Variants in FAM117A observed in about 807,000 individuals in gnomAD.
The protein encoded by FAM117A is protein FAM117A.
FAM117A carries 21 observed loss-of-function variants against 44.1 expected under a neutral mutation model. The observed-to-expected ratio is 0.48, with a 90% confidence interval of 0.34 to 0.69. FAM117A has a LOEUF of 0.69. Ranked by LOEUF, FAM117A falls within the 30% of genes least tolerant of loss-of-function variation. The pLI is 0.01. For missense variants in FAM117A, 498 were observed against 589.9 expected (o/e 0.84, Z 1.61); for synonymous variants, 220 against 238.3 (o/e 0.92, Z 0.71).
chr17:49,711,396 A>C lies in FAM117A; in HGVS notation c.1221T>G (p.Ser407=). The C allele has an allele frequency of 6.2e-7, 1 of 1,612,614 alleles. No individual in the cohort carries two copies. The part of the protein sequence containing the change: ...IFRNCPSNPG[S]PLPPASPRPP... Reference sequence around the variant, plus strand: ...GCCTGGGGCTGGCCGGGGGAAGGGGAGATCCCGGGTTTGAGGGGCAGTTAC... The same window carrying C: ...GCCTGGGGCTGGCCGGGGGAAGGGGCGATCCCGGGTTTGAGGGGCAGTTAC... The change falls in exon 8 of 8, where the codon TCT becomes TCG. Residue 407 remains serine, a synonymous_variant. Coordinates refer to ENST00000240364, the MANE Select transcript of FAM117A (RefSeq NM_030802.4).
chr17:49,742,340 G>T lies in FAM117A; in HGVS notation c.197-9620C>A, dbSNP rs567925694. Among the ~76,000 whole-genome samples, 103 of 152,092 alleles carry T rather than the reference G, an allele frequency of 6.8e-4. 3 individuals are homozygous for T. The South Asian group carries it at 0.015, about 22-fold the overall frequency. ...GAAACCCTTCTGGAGATGTCATTGT[G>T]GGAAAAAAAATAAGGAATACATTGG... On this transcript the variant is annotated intron_variant, in intron 1 of 7. Transcript: ENST00000240364.
At chr17:49,731,526 G>T (rs541776251) in intron 2 of FAM117A, among the ~76,000 whole-genome samples, 1 of 152,202 alleles carries the variant, frequency 6.6e-6, no homozygotes, top group Non-Finnish European at 1.5e-5. Context: ...TTCCGAGCTT[G>T]GGATTCTTAA....
intron 1 of FAM117A, among the ~76,000 whole-genome samples, chr17:49,753,064 T>C (rs896973185): frequency 2.0e-5 from 3 of 152,280 alleles, no homozygotes; most frequent in African/African-American, 4.8e-5. Flanking sequence ...GGTTTCACCA[T>C]GTTGGCCAGG....
At chr17:49,765,512 C>T (rs1214822000), upstream of FAM117A, 2 of 152,128 alleles carry the variant, frequency 1.3e-5, no homozygotes, top group Admixed American at 6.5e-5. Flanking sequence ...AGTGGAAATT[C>T]AAGAGTGGGT....
chr17:49,763,874 G>C lies in FAM117A; in HGVS notation c.196+18C>G, dbSNP rs2073733661. The C allele has an allele frequency of 5.7e-6, 5 of 881,156 alleles. No homozygotes were observed. The highest frequency in any genetic ancestry group is 6.5e-6 in the Non-Finnish European group (5 of 764,928). 54.6% of individuals were successfully genotyped at this position (881,156 alleles called of 1,614,324 possible). The stretch of plus-strand genomic sequence containing the variant: ...CCCAATGGCTCCTTCCACGGCACCC[G>C]CTCCAGGCCCGGCTCACCTGCACGG... On this transcript the variant is annotated intron_variant, in intron 1 of 7. Coordinates refer to ENST00000240364, the MANE Select transcript of FAM117A (RefSeq NM_030802.4).
At chr17:49,761,031 G>A (rs1307037094) in intron 1 of FAM117A, among the ~76,000 whole-genome samples, 1 of 152,146 alleles carries the variant, frequency 6.6e-6, no homozygotes, top group East Asian at 1.9e-4. Context: ...GTTGCAGAAG[G>A]CAAATCCTGC....
At chr17:49,743,597 C>T (rs893099295) in intron 1 of FAM117A, among the ~76,000 whole-genome samples, 8 of 151,966 alleles carry the variant, frequency 5.3e-5, no homozygotes, top group East Asian at 1.9e-4. Flanking sequence ...GGCATGGTGG[C>T]GGGTGCCTGT....
At chr17:49,749,571 G>A (rs1287468215) in intron 1 of FAM117A, among the ~76,000 whole-genome samples, 3 of 102,378 alleles carry the variant, frequency 2.9e-5, no homozygotes, top group Non-Finnish European at 5.8e-5. Context: ...GCAAGACTCC[G>A]TCTCAAAAAA....
At chr17:49,730,309 C>T (rs1282265112) in intron 2 of FAM117A, among the ~76,000 whole-genome samples, 1 of 152,228 alleles carries the variant, frequency 6.6e-6, no homozygotes, top group Non-Finnish European at 1.5e-5. Context: ...CATCGCTGAC[C>T]TCTGTCTTGC....
At chr17:49,741,162 C>A (rs776484207) in intron 1 of FAM117A, among the ~76,000 whole-genome samples, 2 of 152,184 alleles carry the variant, frequency 1.3e-5, no homozygotes, top group Non-Finnish European at 2.9e-5. Flanking sequence ...CGAGATCTTA[C>A]ACATGGCAAA....
intron 1 of FAM117A, among the ~76,000 whole-genome samples, chr17:49,770,269 C>CAAAAAAAA (rs57966452): frequency 1.4e-5 from 1 of 69,820 alleles, no homozygotes. Context: ...GACTCTGTAT[C>CAAAAAAAA]AAAAAAAAAA....
chr17:49,736,592 C>T (rs2073611894), intron 1 of FAM117A, among the ~76,000 whole-genome samples: 1 of 152,206 alleles, frequency 6.6e-6, no homozygotes, highest in Non-Finnish European at 1.5e-5. Flanking sequence ...TGTTCTGGTC[C>T]CACTTACCTG....
intron 1 of FAM117A, among the ~76,000 whole-genome samples, chr17:49,786,569 G>A (rs2073806482): frequency 1.3e-5 from 2 of 152,098 alleles, no homozygotes; most frequent in Admixed American, 6.5e-5. Context: ...CTGAGGTCAG[G>A]AGTTCAAGAC....
intron 1 of FAM117A, among the ~76,000 whole-genome samples, chr17:49,777,942 C>G (rs1026844426): frequency 6.6e-6 from 1 of 152,184 alleles, no homozygotes; most frequent in Non-Finnish European, 1.5e-5. Flanking sequence ...CATGGAGGCA[C>G]TGGGATAGGG....
chr17:49,742,604 C>A (rs2073639095), intron 1 of FAM117A, among the ~76,000 whole-genome samples: 1 of 152,118 alleles, frequency 6.6e-6, no homozygotes, highest in Non-Finnish European at 1.5e-5. Flanking sequence ...CCTTTGGGAT[C>A]TACATGGCCT....
At chr17:49,747,890 A>C (rs1363528681) in intron 1 of FAM117A, among the ~76,000 whole-genome samples, 1 of 152,202 alleles carries the variant, frequency 6.6e-6, no homozygotes, top group Non-Finnish European at 1.5e-5. Flanking sequence ...TTCCTAAGGG[A>C]AGCTCAAAGG....
chr17:49,758,633 AAAAT>A (rs1229473706), intron 1 of FAM117A, among the ~76,000 whole-genome samples: 3,603 of 122,948 alleles, frequency 0.029, 55 homozygotes, highest in African/African-American at 0.042. Context: ...AAAAAAAAAA[AAAAT>A]AAAATAAATA....
chr17:49,720,002 T>G (rs1891695948), intron 4 of FAM117A, 108 bp from the exon 5 acceptor site: 18 of 1,425,872 alleles, frequency 1.3e-5, no homozygotes, highest in Non-Finnish European at 1.4e-5. Context: ...ACTGAGTGAA[T>G]GAAGGGTGAT....
upstream of FAM117A, among the ~76,000 whole-genome samples, chr17:49,766,836 T>C (rs749549942): frequency 6.6e-6 from 1 of 152,228 alleles, no homozygotes; most frequent in Non-Finnish European, 1.5e-5. Context: ...CGACACATTA[T>C]CGTACAGATG....
Sources: gnomAD v4.1 joint callset for allele counts (sites outside exome capture counted in the v4.1 genomes callset) on GRCh38, gnomAD v4.1.1 for gene constraint, MANE v1.5 for transcripts, NCBI Gene and HGNC (gene_info 2026-07-23, HGNC 2026-07-21) for gene names.